DNAI1: variants seen among roughly 807,000 people sequenced by gnomAD.
DNAI1 encodes the protein dynein axonemal intermediate chain 1, also known as dynein, axonemal, intermediate polypeptide 1.
A neutral mutation model predicts 92.0 loss-of-function variants in DNAI1; 67 were observed. The ratio of observed to expected loss-of-function variants is 0.73; its 90% confidence interval spans 0.60 to 0.89. The LOEUF is 0.89. Among genes scored for constraint, DNAI1 ranks in the 40% least tolerant of loss-of-function variants. The pLI, the probability that DNAI1 is intolerant of heterozygous loss-of-function variation, is 0.00. For missense variants in DNAI1, 839 were observed against 866.6 expected, an observed-to-expected ratio of 0.97 and a Z score of 0.40; for synonymous variants, 323 against 319.6, an observed-to-expected ratio of 1.01 and a Z score of -0.11.
At chr9:34,487,194 T>G (rs558228868) in intron 4 of DNAI1, among the ~76,000 whole-genome samples, 2 of 152,218 alleles carry the variant, frequency 1.3e-5, no homozygotes, top group Admixed American at 6.5e-5. Context: ...TTTCTTTTTT[T>G]TTTTTTGAGA....
chr9:34,503,649 G>C (rs1317807675), intron 12 of DNAI1, among the ~76,000 whole-genome samples: 1 of 152,182 alleles, frequency 6.6e-6, no homozygotes, highest in Non-Finnish European at 1.5e-5. Context: ...GGACAGGCCA[G>C]GTTGGTTGGA....
rs573344524 is a variant in DNAI1 at position 34,488,119 on chromosome 9, A to G, written c.262-1204A>G. 244 of 392,598 alleles carry G rather than the reference A, an allele frequency of 6.2e-4. 3 individuals are homozygous for G. The highest frequency in any genetic ancestry group is 4.6e-3 in the South Asian group (240 of 52,538). The allele number at this position is 392,598 out of a possible 1,614,324, so 24.3% of individuals were successfully genotyped here. On this transcript the variant is annotated intron_variant, in intron 4 of 19. Coordinates refer to ENST00000242317, the MANE Select transcript of DNAI1 (RefSeq NM_012144.4). ...TGAACATTAATATTGAGCATTTATT[A>G]TGTGTCAGACACTGTGTTAATAGGT... is the stretch of plus-strand genomic sequence containing the variant.
chr9:34,517,359 G>A lies in DNAI1; in HGVS notation c.1893G>A (p.Arg631=). 6.2e-7 allele frequency: 1 copy of A among 1,614,130 alleles called. No individual in the cohort carries two copies. The highest frequency in any genetic ancestry group is 1.1e-5 in the South Asian group (1 of 91,074). ...CNQPVAAKKN[R]LTHVQFNLIH... ...AGCCTGTGGCGGCCAAAAAGAACAG[G>A]CTCACCCACGTGCAGTTCAATCTCA... The change falls in exon 19 of 20, where the codon AGG becomes AGA. Residue 631 remains arginine, a synonymous_variant. Coordinates refer to ENST00000242317, the MANE Select transcript of DNAI1 (RefSeq NM_012144.4).
Position 34,510,063 on chromosome 9 carries a change from G to A in DNAI1, c.1312-2046G>A, listed in dbSNP as rs1272104418. ...TGAATGAGATGTCAGAGACATCAGA[G>A]TCTAAGTCCCTCTTAACAGGACTGT... On this transcript the variant is annotated intron_variant, in intron 13 of 19. Coordinates refer to ENST00000242317, the MANE Select transcript of DNAI1 (RefSeq NM_012144.4). 3.9e-5 allele frequency among the ~76,000 whole-genome samples: 6 copies of A among 152,238 alleles called. No homozygotes were observed. The East Asian group carries it at 5.8e-4, about 15-fold the overall frequency.
At chr9:34,495,475 C>T (rs538271933) in intron 9 of DNAI1, among the ~76,000 whole-genome samples, 1 of 152,298 alleles carries the variant, frequency 6.6e-6, no homozygotes, top group Admixed American at 6.5e-5. Flanking sequence ...CTAATGATAC[C>T]TACTTTGCAA....
intron 8 of DNAI1, among the ~76,000 whole-genome samples, chr9:34,492,163 A>C (rs1219715708): frequency 6.6e-6 from 1 of 152,114 alleles, no homozygotes; most frequent in Non-Finnish European, 1.5e-5. Flanking sequence ...GGTCTGAATG[A>C]GATAACAAAG....
At chr9:34,472,156 A>G (rs931252470) in intron 1 of DNAI1, among the ~76,000 whole-genome samples, 1 of 152,218 alleles carries the variant, frequency 6.6e-6, no homozygotes, top group Non-Finnish European at 1.5e-5. Flanking sequence ...CTACATTGCC[A>G]CTAGTACTTG....
rs192896482 is a variant in DNAI1 at position 34,483,541 on chromosome 9, A to G, written c.81+61A>G. 1.4e-3 allele frequency: 2,145 copies of G among 1,500,904 alleles called. 2 individuals carry two copies. The highest frequency in any genetic ancestry group is 3.1e-3 in the Admixed American group (176 of 56,858). The allele number at this position is 1,500,904 out of a possible 1,614,324, so 93.0% of individuals were successfully genotyped here. A position where few individuals can be genotyped will look rare whatever the true frequency, so the allele number is the denominator to read the frequency against. ...TGCTAATAGTGTTTTTTTTGTTGAA[A>G]ATATTATTTATGTGTTTTTAGAAAA... On this transcript the variant is annotated intron_variant, in intron 2 of 19. Coordinates refer to ENST00000242317, the MANE Select transcript of DNAI1 (RefSeq NM_012144.4).
Position 34,506,662 on chromosome 9 carries a change from C to G in DNAI1, c.1099C>G (p.Leu367Val). The G allele has an allele frequency of 6.2e-7, 1 of 1,614,228 alleles. No individual in the cohort carries two copies. Among genetic ancestry groups the G allele is most frequent in the Non-Finnish European group, 8.5e-7 (1 of 1,180,044 alleles). Residue 367 changes from leucine (L) to valine (V), a missense_variant, in exon 13 of 20, where the codon CTC (leucine) becomes GTC (valine). By Grantham distance (32) the Leu-to-Val change is conservative (BLOSUM62 1). Transcript: ENST00000242317. ...GAAGCAGAGCCGGGGCATGCTGCTG[C>G]TCTACAGCCTGAAGAACCCCAGCTT... ...FMKQSRGMLLLYSLKNPSFPE... is the reference protein window; with the variant it reads ...FMKQSRGMLLVYSLKNPSFPE...
At chr9:34,481,031 A>G (rs1588093266) in intron 1 of DNAI1, among the ~76,000 whole-genome samples, 1 of 152,194 alleles carries the variant, frequency 6.6e-6, no homozygotes, top group East Asian at 1.9e-4. Context: ...AACTGAGGTC[A>G]GGAGTTCAAT....
intron 15 of DNAI1, 99 bp from the exon 16 acceptor site, chr9:34,513,013 C>G: frequency 1.0e-6 from 1 of 971,798 alleles, no homozygotes; most frequent in Non-Finnish European, 1.7e-6. Context: ...GAGTCCTGCG[C>G]TGAGAGTGCC....
rs753609713 is a variant in DNAI1 at position 34,489,338 on chromosome 9, C to G, written c.277C>G (p.Pro93Ala). ...CTCTTCTTAGGAAGGCACATATAAG[C>G]CTATTGGCTTTGTGAACCAACTGGC... Reference protein sequence around the residue: ...RYSFKEGTYKPIGFVNQLAVH... With the variant: ...RYSFKEGTYKAIGFVNQLAVH... Residue 93 changes from proline to alanine, a missense_variant, in exon 5 of 20, where the codon CCT becomes GCT. Transcript: ENST00000242317. The G allele has an allele frequency of 6.2e-7, 1 of 1,613,908 alleles. No homozygotes were observed. The highest frequency in any genetic ancestry group is 1.3e-5 in the African/African-American group (1 of 74,900).
intron 9 of DNAI1, among the ~76,000 whole-genome samples, chr9:34,493,949 A>G (rs1343874332): frequency 1.3e-5 from 2 of 152,220 alleles, no homozygotes; most frequent in East Asian, 3.9e-4. Context: ...TCATCGTGGG[A>G]GTCACAGTGA....
At chr9:34,514,031 C>T (rs570570994) in intron 16 of DNAI1, among the ~76,000 whole-genome samples, 7 of 152,324 alleles carry the variant, frequency 4.6e-5, no homozygotes, top group African/African-American at 1.7e-4. Flanking sequence ...GTCCACAGGT[C>T]CTGGCCTGGA....
At chr9:34,517,551 C>G (rs1387763749) in intron 19 of DNAI1, 84 bp downstream of exon 19, 1 of 1,532,100 alleles carries the variant, frequency 6.5e-7, no homozygotes, top group Non-Finnish European at 9.0e-7. Flanking sequence ...GCCAGGGTGA[C>G]CACCCAGTTT....
At chr9:34,473,712 G>A (rs892364810) in intron 1 of DNAI1, among the ~76,000 whole-genome samples, 1 of 152,004 alleles carries the variant, frequency 6.6e-6, no homozygotes, top group African/African-American at 2.4e-5. Context: ...TGGTTGGTTG[G>A]TGCGTGGGTG....
rs200720794 is a variant in DNAI1 at position 34,500,846 on chromosome 9, A to T, written c.1019+7A>T. The T allele has an allele frequency of 1.2e-6, 2 of 1,610,538 alleles. No individual in the cohort carries two copies. The highest frequency in any genetic ancestry group is 1.3e-5 in the African/African-American group (1 of 74,966). The stretch of plus-strand genomic sequence containing the variant: ...CCGTCACTGCCCTCTGCTGGTAAGT[A>T]TAGGCATTGCAGCAAATGCAGAGCC... On this transcript the variant is annotated splice_region_variant and intron_variant, in intron 11 of 19. Coordinates refer to ENST00000242317, the MANE Select transcript of DNAI1 (RefSeq NM_012144.4).
chr9:34,499,895 C>T (rs964476682), intron 10 of DNAI1, among the ~76,000 whole-genome samples: 1 of 151,934 alleles, frequency 6.6e-6, no homozygotes. Context: ...AAAGGGGTGT[C>T]GTGAGGTGCC....
chr9:34,486,930 GT>G (rs1366318408), intron 4 of DNAI1, among the ~76,000 whole-genome samples: 1 of 152,182 alleles, frequency 6.6e-6, no homozygotes, highest in Non-Finnish European at 1.5e-5. Flanking sequence ...TTCAATTCAT[GT>G]TGTAGTATGT....
Sources: allele counts gnomAD v4.1 joint callset (sites outside exome capture counted in the v4.1 genomes callset), GRCh38; gene constraint gnomAD v4.1.1; transcripts MANE v1.5; gene names NCBI Gene and HGNC (gene_info 2026-07-23, HGNC 2026-07-21).